The following SIPA1L2 variants were observed in gnomAD, a reference collection of about 807,000 sequenced individuals.
The protein encoded by SIPA1L2 is signal induced proliferation associated 1 like 2, also known as signal-induced proliferation-associated 1-like protein 2.
SIPA1L2 carries 56 observed loss-of-function variants against 163.9 expected under a neutral mutation model. The ratio of observed to expected loss-of-function variants is 0.34; its 90% CI spans 0.28 to 0.43. SIPA1L2 has a LOEUF of 0.43. Ranked by LOEUF, SIPA1L2 falls within the 20% of genes least tolerant of loss-of-function variation. The pLI, the probability that SIPA1L2 is intolerant of heterozygous loss-of-function variation, is 1.00. For missense variants in SIPA1L2, 1,974 were observed against 2,193.5 expected, an observed-to-expected ratio of 0.90 and a Z score of 2.00; for synonymous variants, 877 against 865.7, an observed-to-expected ratio of 1.01 and a Z score of -0.23.
chr1:232,538,038 A>C (rs2103100099), intron 2 of SIPA1L2, among the ~76,000 whole-genome samples: 1 of 152,378 alleles, frequency 6.6e-6, no homozygotes, highest in Admixed American at 6.5e-5. Flanking sequence ...CTCCCAGGCA[A>C]GTTCTTACCC....
chr1:232,594,449 G>C (rs1403157462), intron 1 of SIPA1L2, among the ~76,000 whole-genome samples: 1 of 152,024 alleles, frequency 6.6e-6, no homozygotes, highest in Admixed American at 6.5e-5. Context: ...GAGCCAGGGC[G>C]GGGACTCCTG....
At chr1:232,621,319 C>T (rs1172873506) in intron 1 of SIPA1L2, among the ~76,000 whole-genome samples, 1 of 152,176 alleles carries the variant, frequency 6.6e-6, no homozygotes, top group Non-Finnish European at 1.5e-5. Context: ...GATAGTGAGT[C>T]GGTAATTCCG....
chr1:232,597,159 C>T (rs1661298035), intron 1 of SIPA1L2, among the ~76,000 whole-genome samples: 1 of 152,182 alleles, frequency 6.6e-6, no homozygotes, highest in African/African-American at 2.4e-5. Context: ...GTATCAATTT[C>T]ACTTCCCAAA....
intron 1 of SIPA1L2, among the ~76,000 whole-genome samples, chr1:232,595,685 G>C (rs368847652): frequency 6.6e-6 from 1 of 152,150 alleles, no homozygotes; most frequent in African/African-American, 2.4e-5. Context: ...CTTTCAATAG[G>C]GAGGGAATGG....
chr1:232,597,404 G>A (rs367685426), intron 1 of SIPA1L2, among the ~76,000 whole-genome samples: 74 of 151,984 alleles, frequency 4.9e-4, no homozygotes, highest in South Asian at 2.5e-3. Context: ...TTGGCCGGGC[G>A]CGGTGGCTCA....
intron 7 of SIPA1L2, among the ~76,000 whole-genome samples, chr1:232,478,171 T>C (rs898426198): frequency 1.3e-5 from 2 of 152,208 alleles, no homozygotes; most frequent in South Asian, 2.1e-4. Flanking sequence ...CATAAATACA[T>C]ACATGTGATC....
intron 1 of SIPA1L2, among the ~76,000 whole-genome samples, chr1:232,619,244 G>A (rs1662667237): frequency 6.6e-6 from 1 of 152,170 alleles, no homozygotes; most frequent in South Asian, 2.1e-4. Flanking sequence ...CTTAACTCAA[G>A]TTCTATCTTC....
intron 16 of SIPA1L2, among the ~76,000 whole-genome samples, chr1:232,430,505 TA>T (rs1278447412): frequency 6.6e-6 from 1 of 152,242 alleles, no homozygotes; most frequent in African/African-American, 2.4e-5. Context: ...AATGAGACAC[TA>T]AAAATATGAT....
At chr1:232,500,102 C>G (rs1486717207) in intron 3 of SIPA1L2, among the ~76,000 whole-genome samples, 1 of 152,216 alleles carries the variant, frequency 6.6e-6, no homozygotes, top group Non-Finnish European at 1.5e-5. Flanking sequence ...CTCAGCCTCC[C>G]TGGTTTACTG....
At chr1:232,426,442 C>G (rs142008794) in intron 17 of SIPA1L2, among the ~76,000 whole-genome samples, 2 of 152,012 alleles carry the variant, frequency 1.3e-5, no homozygotes, top group Admixed American at 6.5e-5. Context: ...TGGTGGATCA[C>G]GAGGTCAGGA....
intron 18 of SIPA1L2, among the ~76,000 whole-genome samples, chr1:232,422,473 A>G (rs1458710104): frequency 3.3e-5 from 5 of 152,328 alleles, no homozygotes; most frequent in African/African-American, 9.6e-5. Context: ...AGGTGCAGAG[A>G]TTAGGTCTTC....
rs1662902105 is a variant in SIPA1L2 at position 232,441,628 on chromosome 1, C to G, written c.3538+140G>C. On this transcript the variant is annotated intron_variant, in intron 13 of 22. Transcript: ENST00000674635. Reference sequence around the variant, plus strand: ...ACCATGACCACACCCCCTCCTGCATCTGGAGACCCAGCTGATCACCTCAAC... The same window carrying G: ...ACCATGACCACACCCCCTCCTGCATGTGGAGACCCAGCTGATCACCTCAAC... 6 of 793,324 alleles carry G rather than the reference C, an allele frequency of 7.6e-6. No individual in the cohort carries two copies. In the South Asian group the frequency reaches 8.4e-5, roughly 11 times the overall value. 49.1% of individuals were successfully genotyped at this position (793,324 alleles called of 1,614,324 possible). A position where few individuals can be genotyped will look rare whatever the true frequency, so the allele number is the denominator to read the frequency against.
At chr1:232,446,547 GA>G (rs1663228595) in intron 10 of SIPA1L2, among the ~76,000 whole-genome samples, 1 of 152,162 alleles carries the variant, frequency 6.6e-6, no homozygotes, top group African/African-American at 2.4e-5. Flanking sequence ...AATAGAAAGA[GA>G]AAAGCTTCCT....
chr1:232,597,689 CAAAAAAAAAAAAA>C (rs376123118), intron 1 of SIPA1L2, among the ~76,000 whole-genome samples: 2 of 65,386 alleles, frequency 3.1e-5, no homozygotes, highest in Non-Finnish European at 5.6e-5. Context: ...AACTCTGTCT[CAAAAAAAAAAAAA>C]AAAAAAAAAA....
Position 232,483,780 on chromosome 1 carries a change from C to T in SIPA1L2, c.1981+12G>A, listed in dbSNP as rs750776279. The T allele has an allele frequency of 1.9e-6, 3 of 1,613,564 alleles. No individual in the cohort carries two copies. The highest frequency in any genetic ancestry group is 2.7e-5 in the African/African-American group (2 of 74,866). On this transcript the variant is annotated intron_variant, in intron 6 of 22. Transcript: ENST00000674635. ...AATTAAAAATGTGCACACACACAAA[C>T]ATTAAACTTACTCTTATTGTCTAGC...
intron 3 of SIPA1L2, among the ~76,000 whole-genome samples, chr1:232,496,401 G>T (rs1666191711): frequency 6.6e-6 from 1 of 152,042 alleles, no homozygotes; most frequent in Non-Finnish European, 1.5e-5. Flanking sequence ...ATTGCCTAAG[G>T]ATACATTTCT....
chr1:232,541,932 TAA>T (rs201795801), intron 2 of SIPA1L2, among the ~76,000 whole-genome samples: 5,100 of 132,700 alleles, frequency 0.038, 280 homozygotes, highest in African/African-American at 0.14. Context: ...GGCTGAGCCT[TAA>T]ATCTCTCTCT....
In SIPA1L2 at chr1:232,432,358, G is replaced by A; in HGVS notation, c.4145C>T (p.Ser1382Phe). ...TTGTCTGTGGTAGGGCTTGGACATGGACCCGGGAACCTGTTGTCCGCTGCT... is the reference window on the plus strand; with the variant it reads ...TTGTCTGTGGTAGGGCTTGGACATGAACCCGGGAACCTGTTGTCCGCTGCT... ...SHSSGQQVPGSMSKPYHRQGA... is the reference protein window; with the variant it reads ...SHSSGQQVPGFMSKPYHRQGA... Residue 1382 changes from serine to phenylalanine, a missense_variant, in exon 16 of 23, where the codon TCC becomes TTC. Physicochemically the swap from Ser to Phe is radical, Grantham distance 155. Coordinates refer to ENST00000674635, the MANE Select transcript of SIPA1L2 (RefSeq NM_020808.5). The A allele has an allele frequency of 6.2e-7, 1 of 1,614,166 alleles. No individual in the cohort carries two copies. The highest frequency in any genetic ancestry group is 8.5e-7 in the Non-Finnish European group (1 of 1,180,036).
intron 2 of SIPA1L2, among the ~76,000 whole-genome samples, chr1:232,544,791 A>T (rs1657927382): frequency 6.6e-6 from 1 of 152,218 alleles, no homozygotes; most frequent in Non-Finnish European, 1.5e-5. Flanking sequence ...GCACAAAAAG[A>T]CAGATAAGCA....
Sources: gnomAD v4.1 joint callset for allele counts (sites outside exome capture counted in the v4.1 genomes callset) on GRCh38, gnomAD v4.1.1 for gene constraint, MANE v1.5 for transcripts, NCBI Gene and HGNC (gene_info 2026-07-23, HGNC 2026-07-21) for gene names.